Variants in ABCC11 observed in about 807,000 individuals in gnomAD.
The protein encoded by ABCC11 is ATP binding cassette subfamily C member 11, also known as ATP-binding cassette sub-family C member 11.
A neutral mutation model predicts 149.3 loss-of-function variants in ABCC11; 135 were observed. The observed-to-expected ratio is 0.90, with a 90% CI of 0.79 to 1.04. The LOEUF is 1.04. ABCC11 is among the 50% of genes least tolerant of loss of function. The pLI is 0.00. For missense variants in ABCC11, 1,680 were observed against 1,722.1 expected (o/e 0.98, Z 0.43); for synonymous variants, 665 against 671.4 (o/e 0.99, Z 0.15).
At chr16:48,178,132 G>C (rs1165123827) in intron 24 of ABCC11, among the ~76,000 whole-genome samples, 2 of 152,154 alleles carry the variant, frequency 1.3e-5, no homozygotes, top group African/African-American at 2.4e-5. Flanking sequence ...GCAAAGGGAC[G>C]CTATTGTCTT....
intron 20 of ABCC11, among the ~76,000 whole-genome samples, chr16:48,189,187 C>T (rs1050578251): frequency 6.6e-6 from 1 of 152,206 alleles, no homozygotes; most frequent in Non-Finnish European, 1.5e-5. Flanking sequence ...AATCAAAGGG[C>T]AAAAGGGTCA....
Position 48,227,905 on chromosome 16 carries a change from C to G in ABCC11, c.296G>C (p.Trp99Ser), listed in dbSNP as rs990957529. 1 of 1,614,022 alleles carries G rather than the reference C, an allele frequency of 6.2e-7. No homozygotes were observed. Among genetic ancestry groups the G allele is most frequent in the African/African-American group, 1.3e-5 (1 of 74,978 alleles). Residue 99 changes from tryptophan (W) to serine (S), a missense_variant, in exon 4 of 30, where the codon TGG (tryptophan) becomes TCG (serine). Physicochemically the swap from Trp to Ser is radical, Grantham distance 177 (BLOSUM62 -3). Transcript: ENST00000356608. Reference protein sequence around the residue: ...AGLFSYLTVSWLTPLMIQSLR... With the variant: ...AGLFSYLTVSSLTPLMIQSLR... ...GCTTTGGATCATGAGCGGGGTGAGC[C>G]ATGACACGGTGAGGTAGGAGAACAG... is the stretch of plus-strand genomic sequence containing the variant.
At chr16:48,225,161 C>T (rs1470004534) in intron 4 of ABCC11, among the ~76,000 whole-genome samples, 1 of 151,990 alleles carries the variant, frequency 6.6e-6, no homozygotes, top group East Asian at 1.9e-4. Context: ...ACCAGTGAGC[C>T]GAGATGGCGC....
intron 6 of ABCC11, among the ~76,000 whole-genome samples, chr16:48,218,812 A>G (rs906925770): frequency 3.3e-4 from 50 of 152,296 alleles, no homozygotes; most frequent in Non-Finnish European, 7.3e-5. Flanking sequence ...GCCACGTGGA[A>G]CTGTGAGTCC....
chr16:48,193,042 G>A (rs959605240), intron 19 of ABCC11, among the ~76,000 whole-genome samples: 2 of 152,174 alleles, frequency 1.3e-5, no homozygotes, highest in Non-Finnish European at 2.9e-5. Flanking sequence ...CTGCCAAGGA[G>A]AGGCACCCAC....
Position 48,230,433 on chromosome 16 carries a change from T to C in ABCC11, c.236+4A>G. On this transcript the variant is annotated splice_donor_region_variant and intron_variant, in intron 3 of 29. Coordinates refer to ENST00000356608, the MANE Select transcript of ABCC11 (RefSeq NM_001370497.1). ...TCTCTCCCACCACCCCCATCAGGACTCACCTCGGCTTGGGACGGAAGGGAA... is the reference window on the plus strand; with the variant it reads ...TCTCTCCCACCACCCCCATCAGGACCCACCTCGGCTTGGGACGGAAGGGAA... 1 of 1,601,350 alleles carries C rather than the reference T, an allele frequency of 6.2e-7. No homozygotes were observed. The highest frequency in any genetic ancestry group is 8.5e-7 in the Non-Finnish European group (1 of 1,174,212).
Position 48,227,823 on chromosome 16 carries a change from T to C in ABCC11, c.378A>G (p.Ser126=), listed in dbSNP as rs755599912. The change falls in exon 4 of 30, where the codon TCA becomes TCG. Residue 126 remains serine, a synonymous_variant. Coordinates refer to ENST00000356608, the MANE Select transcript of ABCC11 (RefSeq NM_001370497.1). ...AGCTTCACCTTTGGACATTTTTGTC[T>C]GAGGCATCATGGACTGACAGTGGAG... The part of the protein sequence containing the change: ...TIPPLSVHDA[S]DKNVQRLHRL... 19 of 1,614,146 alleles carry C rather than the reference T, an allele frequency of 1.2e-5. No homozygotes were observed. The South Asian group carries it at 1.4e-4, about 12-fold the overall frequency.
At chr16:48,183,996 G>A (rs552037763) in intron 23 of ABCC11, among the ~76,000 whole-genome samples, 185 of 152,300 alleles carry the variant, frequency 1.2e-3, no homozygotes, top group Non-Finnish European at 2.4e-3. Flanking sequence ...ACCTTTCCAG[G>A]TGATTCAGAA....
rs147005800 is a variant in ABCC11, at chr16:48,175,299, T to C, written c.3657A>G (p.Ser1219=). 1 of 1,614,062 alleles carries C rather than the reference T, an allele frequency of 6.2e-7. No homozygotes were observed. The highest frequency in any genetic ancestry group is 8.5e-7 in the Non-Finnish European group (1 of 1,179,912). Residue 1219 remains serine (S), a synonymous_variant, in exon 26 of 30, where the codon TCA becomes TCG. Transcript: ENST00000356608. ...GCAGCACTGGATCTTGAGGGATCAC[T>C]GAGAGCTTGGACCGCAAGTCCTCCA... ...IGLEDLRSKL[S]VIPQDPVLLS... is the part of the protein sequence containing the mutation.
At chr16:48,210,739 C>T in intron 11 of ABCC11, 1 of 744,500 alleles carries the variant, frequency 1.3e-6, no homozygotes, top group Non-Finnish European at 2.1e-6. Flanking sequence ...TTACCTAAGC[C>T]AAAAAAATTT....
chr16:48,178,521 T>G, intron 24 of ABCC11, 76 bp downstream of exon 24: 1 of 1,411,014 alleles, frequency 7.1e-7, no homozygotes, highest in Non-Finnish European at 1.0e-6. Context: ...CTGAGGCCAG[T>G]GGGGCTTGTA....
chr16:48,229,505 C>T (rs982130488), intron 3 of ABCC11, among the ~76,000 whole-genome samples: 10 of 145,816 alleles, frequency 6.9e-5, no homozygotes, highest in East Asian at 2.0e-4. Flanking sequence ...TCACCCAGCC[C>T]GGACTGCGGA....
At chr16:48,240,558 A>G (rs1164079851) in intron 1 of ABCC11, among the ~76,000 whole-genome samples, 1 of 152,122 alleles carries the variant, frequency 6.6e-6, no homozygotes, top group Non-Finnish European at 1.5e-5. Flanking sequence ...CATCAGGAAG[A>G]AAAGCTAATG....
rs1231410746 is a variant in ABCC11 at position 48,203,964 on chromosome 16, G to A, written c.1806-664C>T. Among the ~76,000 whole-genome samples, 2 of 152,210 alleles carry A rather than the reference G, an allele frequency of 1.3e-5. 1 individual carries two copies. The highest frequency in any genetic ancestry group is 2.9e-5 in the Non-Finnish European group (2 of 68,036). On this transcript the variant is annotated intron_variant, in intron 13 of 29. Transcript: ENST00000356608. ...GTACTGCATGGTACTGCATGTATAG[G>A]TTATTATTGTTTTAATGGCATTTTA... is the stretch of plus-strand genomic sequence containing the variant.
At chr16:48,200,196 G>C in intron 15 of ABCC11, 80 bp downstream of exon 15, 1 of 1,442,878 alleles carries the variant, frequency 6.9e-7, no homozygotes. Context: ...GGCTGTTATT[G>C]AATCACACTC....
Position 48,166,571 on chromosome 16 carries a change from G to C in ABCC11, c.*703C>G, listed in dbSNP as rs553160661. ...GTTCCTTGCAACTGAATAAGTACTAGCTAACGTAAAAAGCAGAATGAAGAT... is the reference window on the plus strand; with the variant it reads ...GTTCCTTGCAACTGAATAAGTACTACCTAACGTAAAAAGCAGAATGAAGAT... On this transcript the variant is annotated 3_prime_UTR_variant, in exon 30 of 30. Coordinates refer to ENST00000356608, the MANE Select transcript of ABCC11 (RefSeq NM_001370497.1). Among the ~76,000 whole-genome samples the C allele has an allele frequency of 2.6e-5, 4 of 152,162 alleles. No homozygotes were observed. The highest frequency in any genetic ancestry group is 9.6e-5 in the African/African-American group (4 of 41,498).
intron 23 of ABCC11, among the ~76,000 whole-genome samples, chr16:48,183,928 A>G (rs1366569897): frequency 6.6e-6 from 1 of 152,186 alleles, no homozygotes; most frequent in African/African-American, 2.4e-5. Context: ...TCTTAGGCAC[A>G]TTTAAGTTTG....
intron 20 of ABCC11, among the ~76,000 whole-genome samples, chr16:48,192,198 C>A (rs193257214): frequency 6.6e-6 from 1 of 151,834 alleles, no homozygotes. Flanking sequence ...AATCCCAGCA[C>A]TTTGGGGGGC....
chr16:48,215,822 A>C (rs900748880), intron 7 of ABCC11, among the ~76,000 whole-genome samples: 3 of 152,178 alleles, frequency 2.0e-5, no homozygotes, highest in Non-Finnish European at 4.4e-5. Flanking sequence ...GGGAGAAGAG[A>C]CGGAACAAAA....
Sources: allele counts gnomAD v4.1 joint callset (sites outside exome capture counted in the v4.1 genomes callset), GRCh38; gene constraint gnomAD v4.1.1; transcripts MANE v1.5; gene names NCBI Gene and HGNC (gene_info 2026-07-23, HGNC 2026-07-21).